KANK1: variants seen among roughly 807,000 people sequenced by gnomAD.
KANK1 encodes KN motif and ankyrin repeat domain-containing protein 1.
KANK1 carries 109 observed loss-of-function variants against 106.2 expected under a neutral mutation model. The observed-to-expected ratio is 1.03, with a 90% CI of 0.88 to 1.20. The LOEUF is 1.20. KANK1 is among the 50% of genes most tolerant of loss of function. The pLI, the probability that KANK1 is intolerant of heterozygous loss-of-function variation, is 0.00. For missense variants in KANK1, 2,399 were observed against 1,710.7 expected, an observed-to-expected ratio of 1.40 and a Z score of -7.10; for synonymous variants, 873 against 652.2, an observed-to-expected ratio of 1.34 and a Z score of -5.16.
intron 1 of KANK1, among the ~76,000 whole-genome samples, chr9:595,395 T>C (rs1227001783): frequency 6.6e-6 from 1 of 151,938 alleles, no homozygotes; most frequent in Non-Finnish European, 1.5e-5. Context: ...CTAATGCCAT[T>C]GCAGGAGCAC....
At chr9:498,319 CT>C (rs1474320880) in intron 3 of KANK1, among the ~76,000 whole-genome samples, 2 of 152,174 alleles carry the variant, frequency 1.3e-5, no homozygotes, top group Non-Finnish European at 2.9e-5. Flanking sequence ...GGCAGATGCT[CT>C]TTAACTACAA....
At chr9:515,780 G>A (rs760748028) in intron 1 of KANK1, among the ~76,000 whole-genome samples, 33 of 151,776 alleles carry the variant, frequency 2.2e-4, no homozygotes, top group Admixed American at 3.3e-4. Flanking sequence ...TGTTAACGTA[G>A]GGATAAGCTA....
At chr9:484,114 T>G (rs2058252231) in intron 3 of KANK1, among the ~76,000 whole-genome samples, 1 of 152,200 alleles carries the variant, frequency 6.6e-6, no homozygotes. Flanking sequence ...GCTTCTGCAC[T>G]TGTGAGCTGA....
intron 1 of KANK1, among the ~76,000 whole-genome samples, chr9:541,135 C>CA (rs1003820470): frequency 2.0e-5 from 3 of 151,118 alleles, no homozygotes; most frequent in Admixed American, 6.6e-5. Flanking sequence ...AAAAAAAACA[C>CA]AAAAAAACAG....
At chr9:545,943 T>C (rs1237255101) in intron 1 of KANK1, among the ~76,000 whole-genome samples, 1 of 152,050 alleles carries the variant, frequency 6.6e-6, no homozygotes, top group Non-Finnish European at 1.5e-5. Flanking sequence ...AGACAGGGTT[T>C]TGCTATGTTG....
chr9:470,984 A>G (rs1217459128), intron 2 of KANK1: 1 of 152,212 alleles, frequency 6.6e-6, no homozygotes, highest in East Asian at 1.9e-4. Context: ...TGCACAGTTA[A>G]TGTGAATCTT....
rs760239513 is a variant in KANK1, at chr9:712,250, C to T, written c.1484C>T (p.Ala495Val). The T allele has an allele frequency of 1.2e-6, 2 of 1,614,124 alleles. No homozygotes were observed. Among genetic ancestry groups the T allele is most frequent in the East Asian group, 4.5e-5 (2 of 44,878 alleles). ...AAACTGAAACAAGAGCTGCAGGCTG[C>T]TGGATCGAGGAAAAAGGTTGACAAA... ...MTKLKQELQAAGSRKKVDKAT... is the reference protein window; with the variant it reads ...MTKLKQELQAVGSRKKVDKAT... Residue 495 changes from alanine to valine, a missense_variant, in exon 3 of 12, where the codon GCT becomes GTT. By Grantham distance (64) the Ala-to-Val change is moderately conservative. Coordinates refer to ENST00000382297, the MANE Select transcript of KANK1 (RefSeq NM_015158.5).
At chr9:573,365 G>T (rs1182857883) in intron 1 of KANK1, among the ~76,000 whole-genome samples, 1 of 152,100 alleles carries the variant, frequency 6.6e-6, no homozygotes, top group Non-Finnish European at 1.5e-5. Context: ...CACCTCCTGG[G>T]TTCACGCCAT....
intron 8 of KANK1, among the ~76,000 whole-genome samples, chr9:738,828 G>A (rs560264861): frequency 3.3e-5 from 5 of 152,168 alleles, no homozygotes; most frequent in African/African-American, 4.8e-5. Context: ...TGAATCATGC[G>A]GGCTTGGCCG....
chr9:604,431 G>C (rs1054628706), intron 1 of KANK1, among the ~76,000 whole-genome samples: 1 of 151,688 alleles, frequency 6.6e-6, no homozygotes, highest in Non-Finnish European at 1.5e-5. Context: ...AGATCTAATG[G>C]TTTAAAAGTG....
chr9:566,416 A>G (rs1489745025), intron 1 of KANK1, among the ~76,000 whole-genome samples: 1 of 152,156 alleles, frequency 6.6e-6, no homozygotes, highest in Non-Finnish European at 1.5e-5. Context: ...TATTTTTAGA[A>G]CTTTGAAGAC....
At chr9:648,587 G>A (rs1420916106) in intron 1 of KANK1, among the ~76,000 whole-genome samples, 1 of 152,086 alleles carries the variant, frequency 6.6e-6, no homozygotes, top group Non-Finnish European at 1.5e-5. Context: ...CATCATCATC[G>A]TACTTGCAAA....
chr9:532,237 C>CTTTTT (rs34351693), intron 1 of KANK1, among the ~76,000 whole-genome samples: 2 of 107,768 alleles, frequency 1.9e-5, no homozygotes, highest in Non-Finnish European at 3.8e-5. Context: ...GAGCATTTGT[C>CTTTTT]TTTTTTTTTT....
intron 1 of KANK1, among the ~76,000 whole-genome samples, chr9:518,513 C>T (rs1277852909): frequency 6.6e-6 from 1 of 151,648 alleles, no homozygotes; most frequent in South Asian, 2.1e-4. Context: ...AGCATGGGTT[C>T]TAGAATCGAA....
At chr9:689,217 A>G (rs1438813377) in intron 2 of KANK1, among the ~76,000 whole-genome samples, 1 of 152,216 alleles carries the variant, frequency 6.6e-6, no homozygotes, top group Non-Finnish European at 1.5e-5. Context: ...AAGAAAGCCT[A>G]AGGTGTAGAA....
At chr9:708,615 C>G (rs1448766953) in intron 2 of KANK1, among the ~76,000 whole-genome samples, 5 of 152,086 alleles carry the variant, frequency 3.3e-5, no homozygotes, top group Non-Finnish European at 1.5e-5. Context: ...GGGAAGAAAG[C>G]GGGCAGATGG....
intron 3 of KANK1, among the ~76,000 whole-genome samples, chr9:489,639 C>G (rs956963700): frequency 3.3e-5 from 5 of 152,210 alleles, no homozygotes; most frequent in African/African-American, 1.2e-4. Flanking sequence ...GGCTCCACAA[C>G]TACAGTGTCT....
intron 1 of KANK1, among the ~76,000 whole-genome samples, chr9:660,794 C>T (rs1025220304): frequency 6.6e-6 from 1 of 152,150 alleles, no homozygotes; most frequent in Non-Finnish European, 1.5e-5. Flanking sequence ...AGAAAGATCC[C>T]CTGGTGTCTA....
chr9:516,841 TG>T (rs377376361), intron 1 of KANK1, among the ~76,000 whole-genome samples: 1 of 151,666 alleles, frequency 6.6e-6, no homozygotes, highest in Non-Finnish European at 1.5e-5. Flanking sequence ...AGCAGCCCGC[TG>T]GGGGGTACCT....
Sources: allele counts gnomAD v4.1 joint callset (sites outside exome capture counted in the v4.1 genomes callset), GRCh38; gene constraint gnomAD v4.1.1; transcripts MANE v1.5; gene names NCBI Gene and HGNC (gene_info 2026-07-23, HGNC 2026-07-21).